The following ADAMTS17 variants were observed in gnomAD, a reference collection of about 807,000 sequenced individuals.
ADAMTS17 encodes ADAM metallopeptidase with thrombospondin type 1 motif 17.
ADAMTS17 carries 113 observed loss-of-function variants against 141.5 expected under a neutral mutation model. The observed-to-expected ratio is 0.80, with a 90% CI of 0.69 to 0.93. ADAMTS17 has a LOEUF of 0.93. Ranked by LOEUF, ADAMTS17 falls within the 40% of genes least tolerant of loss-of-function variation. ADAMTS17 has a pLI of 0.00. For synonymous variants in ADAMTS17, 768 were observed against 630.6 expected, an observed-to-expected ratio of 1.22 and a Z score of -3.27; for missense variants, 1,659 against 1,517.9, an observed-to-expected ratio of 1.09 and a Z score of -1.54.
At chr15:100,059,493 G>C (rs1369046814) in intron 15 of ADAMTS17, among the ~76,000 whole-genome samples, 2 of 152,210 alleles carry the variant, frequency 1.3e-5, no homozygotes, top group Non-Finnish European at 2.9e-5. Flanking sequence ...GTGTCACTTA[G>C]CAAGATTCCA....
At chr15:100,332,840 G>A (rs564977653) in intron 2 of ADAMTS17, among the ~76,000 whole-genome samples, 6 of 152,326 alleles carry the variant, frequency 3.9e-5, no homozygotes, top group South Asian at 2.1e-4. Flanking sequence ...TACTCGCCCC[G>A]GCAGCCACTT....
In ADAMTS17 at chr15:100,051,749, C is replaced by A. The variant is rs370896576; in HGVS notation, c.2296-18G>T. The A allele has an allele frequency of 1.2e-6, 2 of 1,614,012 alleles. No homozygotes were observed. The highest frequency in any genetic ancestry group is 2.7e-5 in the African/African-American group (2 of 74,926). On this transcript the variant is annotated intron_variant, in intron 16 of 21. Coordinates refer to ENST00000268070, the MANE Select transcript of ADAMTS17 (RefSeq NM_139057.4). ...AACAACACCTGGATCAGCCGCAAAA[C>A]AAAAGGCCATTTTGAAAAGGAAGGA...
intron 7 of ADAMTS17, among the ~76,000 whole-genome samples, chr15:100,249,646 C>G (rs2043092505): frequency 6.6e-6 from 1 of 152,224 alleles, no homozygotes; most frequent in Non-Finnish European, 1.5e-5. Flanking sequence ...CCAAGCCAGT[C>G]TCCCAGCCTG....
rs201563880 is a variant in ADAMTS17 at position 100,162,838 on chromosome 15, CTA to C, written c.1182-7520_1182-7519del. Among the ~76,000 whole-genome samples, 1,328 of 137,538 alleles carry C rather than the reference CTA, an allele frequency of 9.7e-3. 22 individuals are homozygous for C. Among genetic ancestry groups the C allele is most frequent in the East Asian group, 0.022 (75 of 3,340 alleles). The allele number at this position is 137,538 out of a possible 152,430, so 90.2% of individuals were successfully genotyped here. On this transcript the variant is annotated intron_variant, in intron 8 of 21. Transcript: ENST00000268070. ...ATACACATTATATATATGTGTATAA[CTA>C]TATATAGTTATATATCTGTGTATAT...
chr15:100,132,088 C>A lies in ADAMTS17; in HGVS notation c.1640G>T (p.Ser547Ile). The A allele has an allele frequency of 6.2e-7, 1 of 1,614,166 alleles. No individual in the cohort carries two copies. The highest frequency in any genetic ancestry group is 8.5e-7 in the Non-Finnish European group (1 of 1,180,020). ...PIPEHVDGDWSPWGAWSMCSR... is the reference protein window; with the variant it reads ...PIPEHVDGDWIPWGAWSMCSR... ...GCACATGCTCCAGGCGCCCCACGGG[C>A]TCCAGTCTCCGTCCACATGCTCCGG... is the stretch of plus-strand genomic sequence containing the variant. Residue 547 changes from serine (S) to isoleucine (I), a missense_variant, in exon 12 of 22, where the codon AGC becomes ATC. Transcript: ENST00000268070.
chr15:100,102,662 T>G (rs2036187454), intron 14 of ADAMTS17, among the ~76,000 whole-genome samples: 1 of 152,198 alleles, frequency 6.6e-6, no homozygotes, highest in African/African-American at 2.4e-5. Flanking sequence ...CATGGTAGGT[T>G]TCCTTTCGTA....
chr15:100,282,903 A>G (rs965246620), intron 3 of ADAMTS17, among the ~76,000 whole-genome samples: 1 of 152,224 alleles, frequency 6.6e-6, no homozygotes, highest in African/African-American at 2.4e-5. Context: ...TTTTGCAAAA[A>G]TCTTACATAC....
intron 19 of ADAMTS17, among the ~76,000 whole-genome samples, chr15:99,995,107 A>C (rs1445249785): frequency 6.6e-6 from 1 of 152,052 alleles, no homozygotes; most frequent in African/African-American, 2.4e-5. Context: ...ATTGCAGTGG[A>C]CTTTACATGC....
At chr15:100,029,244 G>A (rs1409824552) in intron 18 of ADAMTS17, among the ~76,000 whole-genome samples, 1 of 152,144 alleles carries the variant, frequency 6.6e-6, no homozygotes, top group Non-Finnish European at 1.5e-5. Flanking sequence ...GTAGCTGTGG[G>A]AACAAAACTA....
At chr15:100,173,505 C>T (rs2040232717) in intron 8 of ADAMTS17, among the ~76,000 whole-genome samples, 1 of 152,312 alleles carries the variant, frequency 6.6e-6, no homozygotes, top group African/African-American at 2.4e-5. Flanking sequence ...TGCTCACTTA[C>T]CTCCTCTCCT....
At chr15:100,037,859 C>T (rs1471901757) in intron 18 of ADAMTS17, among the ~76,000 whole-genome samples, 1 of 152,086 alleles carries the variant, frequency 6.6e-6, no homozygotes, top group African/African-American at 2.4e-5. Flanking sequence ...AGATTCACTG[C>T]AGCCTCGACC....
intron 19 of ADAMTS17, among the ~76,000 whole-genome samples, chr15:99,995,748 G>A (rs759401405): frequency 1.3e-5 from 2 of 152,174 alleles, no homozygotes; most frequent in Non-Finnish European, 2.9e-5. Context: ...TCAGCACGTG[G>A]GAAGCGGCAG....
At chr15:100,186,797 G>A (rs957479776) in intron 8 of ADAMTS17, among the ~76,000 whole-genome samples, 1 of 152,228 alleles carries the variant, frequency 6.6e-6, no homozygotes, top group African/African-American at 2.4e-5. Context: ...ATCCTTGGCT[G>A]ACTTCTAGGA....
chr15:100,241,393 T>C (rs978307763), intron 7 of ADAMTS17, among the ~76,000 whole-genome samples: 4 of 152,222 alleles, frequency 2.6e-5, no homozygotes, highest in African/African-American at 9.6e-5. Flanking sequence ...TCTTCAACGC[T>C]TTGAGACCTC....
intron 3 of ADAMTS17, among the ~76,000 whole-genome samples, chr15:100,307,576 T>C (rs965114340): frequency 1.3e-5 from 2 of 152,242 alleles, no homozygotes; most frequent in African/African-American, 4.8e-5. Context: ...TAGCTTGAGA[T>C]GGAGAGAGGG....
intron 4 of ADAMTS17, among the ~76,000 whole-genome samples, chr15:100,275,146 G>A (rs2044037058): frequency 6.6e-6 from 1 of 152,212 alleles, no homozygotes; most frequent in Non-Finnish European, 1.5e-5. Flanking sequence ...GTCCTAAAAG[G>A]CAGAGGAACT....
At chr15:100,039,648 T>A (rs2031067931) in intron 18 of ADAMTS17, among the ~76,000 whole-genome samples, 1 of 152,212 alleles carries the variant, frequency 6.6e-6, no homozygotes, top group South Asian at 2.1e-4. Flanking sequence ...TTAGATTTAT[T>A]TACTGGCCTA....
chr15:100,150,068 G>C (rs1045737320), intron 10 of ADAMTS17, among the ~76,000 whole-genome samples: 2 of 152,192 alleles, frequency 1.3e-5, no homozygotes, highest in African/African-American at 4.8e-5. Flanking sequence ...TATTGCTGGT[G>C]AAACTCTCGA....
At chr15:100,152,461 C>A in intron 10 of ADAMTS17, 151 bp downstream of exon 10, 1 of 1,017,238 alleles carries the variant, frequency 9.8e-7, no homozygotes, top group South Asian at 1.4e-5. Flanking sequence ...TGTATGCAAA[C>A]GTGTGTGTGC....
Sources: allele counts gnomAD v4.1 joint callset (sites outside exome capture counted in the v4.1 genomes callset), GRCh38; gene constraint gnomAD v4.1.1; transcripts MANE v1.5; gene names NCBI Gene and HGNC (gene_info 2026-07-23, HGNC 2026-07-21).